Variants in SOX6 observed in about 807,000 individuals in gnomAD.
SOX6 encodes transcription factor SOX-6.
SOX6 carries 11 observed loss-of-function variants against 97.8 expected under a neutral mutation model. The observed-to-expected ratio is 0.11, with a 90% CI of 0.07 to 0.19. SOX6 has a LOEUF of 0.19. Ranked by LOEUF, SOX6 falls within the 10% of genes least tolerant of loss-of-function variation. SOX6 has a pLI of 1.00. For missense variants in SOX6, 810 were observed against 1,039.5 expected (o/e 0.78, Z 3.04); for synonymous variants, 360 against 371.4 (o/e 0.97, Z 0.35).
At chr11:16,596,261 C>T (rs934734424) in intron 4 of SOX6, among the ~76,000 whole-genome samples, 1 of 152,196 alleles carries the variant, frequency 6.6e-6, no homozygotes, top group Admixed American at 6.5e-5. Context: ...ACCTAGTTGA[C>T]ATATTTGAAG....
intron 3 of SOX6, among the ~76,000 whole-genome samples, chr11:16,689,459 T>C (rs1166069457): frequency 6.6e-6 from 1 of 152,218 alleles, no homozygotes; most frequent in Non-Finnish European, 1.5e-5. Flanking sequence ...TATTGCCTGA[T>C]GTCCAATGGC....
In SOX6 at chr11:16,613,718, A is replaced by G. The variant is rs1437020710; in HGVS notation, n.430-1458T>C. Among the ~76,000 whole-genome samples, 1 of 152,136 alleles carries G rather than the reference A, an allele frequency of 6.6e-6. No individual in the cohort carries two copies. The highest frequency in any genetic ancestry group is 1.5e-5 in the Non-Finnish European group (1 of 68,034). The stretch of plus-strand genomic sequence containing the variant: ...CTAAACGGAAGTCCCTTTACAGTCA[A>G]TTCAGCCCGCTCCAGAGCATCGGGG... On this transcript the variant is annotated intron_variant and non_coding_transcript_variant, in intron 3 of 5. Transcript: ENST00000524520. This position sits in a 1 kb window ranked among gnomAD's most constrained non-coding sequence, Gnocchi z 4.6.
At chr11:16,316,035 T>C (rs1855750511) in intron 3 of SOX6, 1 of 152,058 alleles carries the variant, frequency 6.6e-6, no homozygotes, top group Non-Finnish European at 1.5e-5. Context: ...CTGACTGAAA[T>C]AGCACTGGCA....
chr11:16,252,760 C>A (rs556051560), intron 3 of SOX6, among the ~76,000 whole-genome samples: 2 of 152,236 alleles, frequency 1.3e-5, no homozygotes, highest in East Asian at 3.9e-4. Context: ...CTCCAACCCC[C>A]TCAAGCCTTC....
intron 4 of SOX6, among the ~76,000 whole-genome samples, chr11:16,565,524 C>T (rs1050086561): frequency 6.6e-6 from 1 of 151,922 alleles, no homozygotes; most frequent in African/African-American, 2.4e-5. Flanking sequence ...CAAAACTCCT[C>T]ATGAATTCTT....
chr11:16,341,927 A>G (rs1856649069), intron 1 of SOX6, among the ~76,000 whole-genome samples: 1 of 152,014 alleles, frequency 6.6e-6, no homozygotes, highest in South Asian at 2.1e-4. Flanking sequence ...AGTGGCTGAT[A>G]CTGTTAGATT....
At chr11:16,201,724 C>T (rs1449175097) in intron 4 of SOX6, among the ~76,000 whole-genome samples, 1 of 132,288 alleles carries the variant, frequency 7.6e-6, no homozygotes, top group African/African-American at 2.9e-5. Flanking sequence ...AGCTCCGCCT[C>T]CCGGGTTCAC....
intron 3 of SOX6, among the ~76,000 whole-genome samples, chr11:16,643,904 T>G (rs1232286741): frequency 6.6e-6 from 1 of 152,218 alleles, no homozygotes; most frequent in African/African-American, 2.4e-5. Flanking sequence ...CTCGGTGCAC[T>G]GCACCCACTG....
rs187872772 is a variant in SOX6 at position 16,679,463 on chromosome 11, C to A, written n.429+35367G>T. On this transcript the variant is annotated intron_variant and non_coding_transcript_variant, in intron 3 of 5. Transcript: ENST00000524520. ...TCCACACCAAAACCCCACTGTAGGTCACCAACATCAAAGATCAAAGGAAGA... is the reference window on the plus strand; with the variant it reads ...TCCACACCAAAACCCCACTGTAGGTAACCAACATCAAAGATCAAAGGAAGA... Among the ~76,000 whole-genome samples the A allele has an allele frequency of 7.7e-3, 1,169 of 152,272 alleles. 14 individuals carry two copies. The highest frequency in any genetic ancestry group is 0.027 in the African/African-American group (1,115 of 41,554).
At chr11:16,331,126 A>C (rs1481793614) in intron 2 of SOX6, among the ~76,000 whole-genome samples, 1 of 152,042 alleles carries the variant, frequency 6.6e-6, no homozygotes, top group East Asian at 1.9e-4. Flanking sequence ...AATCTTCCTC[A>C]TGCTCTCCTC....
Position 16,211,227 on chromosome 11 carries a change from A to G in SOX6, c.535+23355T>C, listed in dbSNP as rs568543179. 2.6e-5 allele frequency among the ~76,000 whole-genome samples: 4 copies of G among 152,286 alleles called. No homozygotes were observed. The South Asian group carries it at 8.3e-4, about 32-fold the overall frequency. On this transcript the variant is annotated intron_variant, in intron 4 of 15. Coordinates refer to ENST00000683767, the MANE Select transcript of SOX6 (RefSeq NM_001367873.1). ...ATCATAAGCACTCTGGCCTTTACTT[A>G]TATTAATATGAGGATACATTAGAGG...
intron 6 of SOX6, among the ~76,000 whole-genome samples, chr11:16,159,865 G>A (rs1850700576): frequency 1.3e-5 from 2 of 152,114 alleles, no homozygotes; most frequent in African/African-American, 4.8e-5. Flanking sequence ...TGTATGTAAA[G>A]TGGCAGAATT....
intron 12 of SOX6, among the ~76,000 whole-genome samples, chr11:16,019,301 A>G (rs1854980870): frequency 6.6e-6 from 1 of 152,112 alleles, no homozygotes; most frequent in African/African-American, 2.4e-5. Context: ...CGTCTGGTCA[A>G]TGATGTGGTA....
At chr11:16,069,157 T>C (rs1387883325) in intron 9 of SOX6, among the ~76,000 whole-genome samples, 2 of 152,170 alleles carry the variant, frequency 1.3e-5, no homozygotes, top group African/African-American at 2.4e-5. Flanking sequence ...ACTGATTTTC[T>C]TGCAAACACC....
chr11:15,999,133 T>G (rs984743377), intron 13 of SOX6, among the ~76,000 whole-genome samples: 1 of 152,060 alleles, frequency 6.6e-6, no homozygotes, highest in Non-Finnish European at 1.5e-5. Context: ...TTATGGCCAA[T>G]AAGCAGATGA....
chr11:16,699,786 T>C (rs757531626), intron 3 of SOX6, among the ~76,000 whole-genome samples: 1 of 152,202 alleles, frequency 6.6e-6, no homozygotes, highest in Non-Finnish European at 1.5e-5. Flanking sequence ...ACTGCTATAA[T>C]TGCTGTCCTA....
chr11:16,303,875 A>G (rs1565079797), intron 3 of SOX6, among the ~76,000 whole-genome samples: 1 of 152,050 alleles, frequency 6.6e-6, no homozygotes, highest in Non-Finnish European at 1.5e-5. Context: ...TTTTATTTGG[A>G]GAAAATGTAA....
chr11:16,513,266 G>C (rs1322275217), intron 4 of SOX6, among the ~76,000 whole-genome samples: 1 of 152,082 alleles, frequency 6.6e-6, no homozygotes, highest in East Asian at 1.9e-4. Context: ...AATTTAAAAA[G>C]AAATAAAACA....
intron 4 of SOX6, among the ~76,000 whole-genome samples, chr11:16,202,584 T>C (rs535251491): frequency 2.0e-5 from 3 of 152,212 alleles, no homozygotes; most frequent in South Asian, 2.1e-4. Flanking sequence ...AGCAATGTGG[T>C]TTAACCAATT....
Sources: allele counts gnomAD v4.1 joint callset (sites outside exome capture counted in the v4.1 genomes callset), GRCh38; gene constraint gnomAD v4.1.1; non-coding constraint Gnocchi (gnomAD v3.1); transcripts MANE v1.5; gene names NCBI Gene and HGNC (gene_info 2026-07-23, HGNC 2026-07-21).